Variants in EYS observed in about 807,000 individuals in gnomAD.
EYS encodes the protein protein eyes shut homolog.
EYS carries 250 observed loss-of-function variants against 282.1 expected under a neutral mutation model. The ratio of observed to expected loss-of-function variants is 0.89; its 90% CI spans 0.80 to 0.98. The LOEUF (loss-of-function observed/expected upper bound fraction) is 0.98. Among genes scored for constraint, EYS ranks in the 50% least tolerant of loss-of-function variants. The pLI is 0.00. For missense variants in EYS, 4,016 were observed against 3,709.0 expected (o/e 1.08, Z -2.15); for synonymous variants, 1,355 against 1,282.9 (o/e 1.06, Z -1.20).
intron 5 of EYS, among the ~76,000 whole-genome samples, chr6:65,456,720 TA>T (rs149063290): frequency 6.8e-4 from 99 of 146,066 alleles, no homozygotes; most frequent in South Asian, 3.0e-3. Flanking sequence ...CCCTTCATGA[TA>T]AAAAAAAAAA....
intron 29 of EYS, among the ~76,000 whole-genome samples, chr6:64,347,517 G>T (rs1000729474): frequency 2.0e-5 from 3 of 151,076 alleles, no homozygotes; most frequent in Non-Finnish European, 4.4e-5. Flanking sequence ...TTTTATATTT[G>T]TTGAAGCTGG....
intron 35 of EYS, among the ~76,000 whole-genome samples, chr6:63,952,647 C>T (rs576884185): frequency 2.0e-5 from 3 of 152,318 alleles, no homozygotes; most frequent in African/African-American, 4.8e-5. Context: ...TAGGTTGAGA[C>T]ATTTTAACTA....
intron 22 of EYS, among the ~76,000 whole-genome samples, chr6:64,780,662 CATA>C (rs1292499069): frequency 6.6e-6 from 1 of 152,148 alleles, no homozygotes; most frequent in East Asian, 1.9e-4. Context: ...TTCCCTAATC[CATA>C]ATAATAATAA....
At chr6:64,055,309 G>A (rs1485525291) in intron 33 of EYS, among the ~76,000 whole-genome samples, 1 of 152,112 alleles carries the variant, frequency 6.6e-6, no homozygotes, top group African/African-American at 2.4e-5. Context: ...GTGTATGTGT[G>A]TGTGAAAAAC....
At chr6:64,520,355 C>T (rs1157527424) in intron 26 of EYS, among the ~76,000 whole-genome samples, 1 of 151,568 alleles carries the variant, frequency 6.6e-6, no homozygotes, top group African/African-American at 2.4e-5. Context: ...TTTTTTCTGT[C>T]ATATTAATTG....
At chr6:65,266,650 A>T (rs1042090354) in intron 12 of EYS, among the ~76,000 whole-genome samples, 2 of 151,696 alleles carry the variant, frequency 1.3e-5, no homozygotes, top group African/African-American at 4.8e-5. Flanking sequence ...TTCATCAGGG[A>T]TATTGGCCTG....
rs777137794 is a variant in EYS at position 65,188,764 on chromosome 6, C to CAAAAAAAA, written c.2023+107091_2023+107098dup. ...TGAAAACTTGATCCTTTATTGCATG[C>CAAAAAAAA]AAAAAAAAAAAAAAAAAAAGATGAA... On this transcript the variant is annotated intron_variant, in intron 12 of 42. Transcript: ENST00000503581. 1.8e-4 allele frequency among the ~76,000 whole-genome samples: 14 copies of CAAAAAAAA among 78,732 alleles called. 1 individual carries two copies. The highest frequency in any genetic ancestry group is 1.2e-3 in the Admixed American group (8 of 6,862). The allele number at this position is 78,732 out of a possible 152,430, so 51.7% of individuals were successfully genotyped here. A position where few individuals can be genotyped will look rare whatever the true frequency, so the allele number is the denominator to read the frequency against.
intron 29 of EYS, among the ~76,000 whole-genome samples, chr6:64,308,823 A>T (rs1428751003): frequency 6.6e-6 from 1 of 152,100 alleles, no homozygotes; most frequent in Non-Finnish European, 1.5e-5. Context: ...AAAATAAAAC[A>T]ATATTTCACA....
chr6:65,535,673 C>A (rs1767937712), intron 2 of EYS, among the ~76,000 whole-genome samples: 3 of 152,150 alleles, frequency 2.0e-5, no homozygotes, highest in Admixed American at 6.5e-5. Flanking sequence ...AGTCTGAAGG[C>A]TGTTACCAGA....
At chr6:64,573,260 T>G (rs1265873966) in intron 26 of EYS, among the ~76,000 whole-genome samples, 1 of 152,130 alleles carries the variant, frequency 6.6e-6, no homozygotes, top group African/African-American at 2.4e-5. Flanking sequence ...TTACACCTTA[T>G]ACAAAAATTT....
At chr6:65,468,805 C>T (rs577400095) in intron 5 of EYS, among the ~76,000 whole-genome samples, 1 of 152,108 alleles carries the variant, frequency 6.6e-6, no homozygotes, top group African/African-American at 2.4e-5. Context: ...AAAACCAAAA[C>T]TGAAACTCTA....
chr6:65,332,245 A>G (rs1769822149), intron 11 of EYS: 2 of 625,548 alleles, frequency 3.2e-6, no homozygotes, highest in South Asian at 2.0e-5. Flanking sequence ...CTCCATCTAC[A>G]TTATCATGCA....
chr6:65,298,813 A>T (rs1768735678), intron 11 of EYS, among the ~76,000 whole-genome samples: 1 of 151,758 alleles, frequency 6.6e-6, no homozygotes, highest in Non-Finnish European at 1.5e-5. Flanking sequence ...CCATTTAATG[A>T]TATGTCTGAG....
chr6:64,901,699 T>C (rs951180418), intron 18 of EYS, among the ~76,000 whole-genome samples: 24 of 152,122 alleles, frequency 1.6e-4, no homozygotes, highest in African/African-American at 5.8e-4. Flanking sequence ...AGTCCAAATA[T>C]CTATAACCAG....
At chr6:63,838,417 G>A (rs1338467391) in intron 36 of EYS, among the ~76,000 whole-genome samples, 1 of 152,166 alleles carries the variant, frequency 6.6e-6, no homozygotes, top group Non-Finnish European at 1.5e-5. Context: ...TAGGGTCCTT[G>A]ACTTTGCCTT....
chr6:65,367,437 T>G (rs1764955215), intron 8 of EYS, among the ~76,000 whole-genome samples: 1 of 151,720 alleles, frequency 6.6e-6, no homozygotes, highest in African/African-American at 2.4e-5. Flanking sequence ...TTTTCAATTA[T>G]TTTTCCTGTT....
chr6:65,653,465 G>C (rs1244799352), intron 1 of EYS, among the ~76,000 whole-genome samples: 1 of 151,872 alleles, frequency 6.6e-6, no homozygotes, highest in Non-Finnish European at 1.5e-5. Context: ...AGCCCCATTA[G>C]GATACTGGTG....
intron 15 of EYS, 28 bp from the exon 16 acceptor site, chr6:64,912,771 A>C (rs947987313): frequency 4.6e-6 from 6 of 1,300,066 alleles, no homozygotes; most frequent in Non-Finnish European, 6.0e-6. Context: ...AATTTTTAGA[A>C]GTGTGAACTC....
At chr6:65,235,441 A>T (rs1329312405) in intron 12 of EYS, among the ~76,000 whole-genome samples, 1 of 152,154 alleles carries the variant, frequency 6.6e-6, no homozygotes, top group African/African-American at 2.4e-5. Context: ...AGCTATAACA[A>T]AAGTAGTTGG....
Sources: allele counts gnomAD v4.1 joint callset (sites outside exome capture counted in the v4.1 genomes callset), GRCh38; gene constraint gnomAD v4.1.1; transcripts MANE v1.5; gene names NCBI Gene and HGNC (gene_info 2026-07-23, HGNC 2026-07-21).